EML6: variants seen among roughly 807,000 people sequenced by gnomAD.
EML6 encodes EMAP like 6, also known as echinoderm microtubule-associated protein-like 6.
EML6 carries 154 observed loss-of-function variants against 240.1 expected under a neutral mutation model. That is an observed-to-expected ratio of 0.64 (90% confidence interval 0.56 to 0.73). EML6 has a LOEUF of 0.73. Ranked by LOEUF, EML6 falls within the 30% of genes least tolerant of loss-of-function variation. EML6 has a pLI of 0.00. For synonymous variants in EML6, 1,148 were observed against 899.0 expected (o/e 1.28, Z -4.95); for missense variants, 2,964 against 2,474.6 (o/e 1.20, Z -4.20).
chr2:54,875,965 C>T (rs912091892), intron 16 of EML6, among the ~76,000 whole-genome samples: 2 of 152,110 alleles, frequency 1.3e-5, no homozygotes, highest in East Asian at 3.9e-4. Flanking sequence ...CAGTAGAAAA[C>T]CTACGCATTT....
chr2:54,818,540 G>T (rs954563440), intron 4 of EML6, among the ~76,000 whole-genome samples: 15 of 152,214 alleles, frequency 9.9e-5, no homozygotes, highest in African/African-American at 3.4e-4. Flanking sequence ...CCCAGTTGCA[G>T]AGCAGAGCTC....
intron 2 of EML6, among the ~76,000 whole-genome samples, chr2:54,763,024 C>A (rs1668044121): frequency 6.6e-6 from 1 of 152,160 alleles, no homozygotes; most frequent in African/African-American, 2.4e-5. Flanking sequence ...CACAGCTTCC[C>A]ACCCTACATT....
intron 16 of EML6, among the ~76,000 whole-genome samples, chr2:54,871,998 A>G (rs1671283074): frequency 6.6e-6 from 1 of 152,216 alleles, no homozygotes; most frequent in Admixed American, 6.5e-5. Flanking sequence ...TCTCCAAATA[A>G]GTGGGAGCAC....
At chr2:54,940,765 G>A (rs775109327) in intron 28 of EML6, among the ~76,000 whole-genome samples, 4 of 152,206 alleles carry the variant, frequency 2.6e-5, no homozygotes, top group African/African-American at 4.8e-5. Flanking sequence ...GGGTGCCCCA[G>A]TTGGCCCTGG....
chr2:54,949,096 C>T (rs1421995561), intron 29 of EML6, 136 bp downstream of exon 29: 1 of 684,174 alleles, frequency 1.5e-6, no homozygotes, highest in African/African-American at 1.8e-5. Context: ...TCCCCTCTCC[C>T]TCCTACGTAG....
intron 14 of EML6, chr2:54,868,364 TGATG>T (rs890081747): frequency 1.3e-5 from 2 of 152,204 alleles, no homozygotes; most frequent in African/African-American, 2.4e-5. Context: ...TATTTTAATA[TGATG>T]GATTGGTTTT....
chr2:54,942,055 T>G (rs538978237), intron 28 of EML6, among the ~76,000 whole-genome samples: 21 of 152,360 alleles, frequency 1.4e-4, no homozygotes, highest in African/African-American at 4.1e-4. Flanking sequence ...TGATGCTATT[T>G]TCATAAATGA....
intron 16 of EML6, among the ~76,000 whole-genome samples, chr2:54,875,998 A>G (rs1009122558): frequency 1.3e-5 from 2 of 152,214 alleles, no homozygotes; most frequent in Non-Finnish European, 2.9e-5. Flanking sequence ...GAATAGAGAG[A>G]CCAACTCATA....
intron 2 of EML6, among the ~76,000 whole-genome samples, chr2:54,734,916 C>G (rs1683327435): frequency 1.3e-5 from 2 of 152,216 alleles, no homozygotes; most frequent in African/African-American, 4.8e-5. Context: ...ACAAGATGTT[C>G]TCCACGGTCT....
chr2:54,911,129 A>C, intron 25 of EML6, 87 bp downstream of exon 25: 2 of 664,034 alleles, frequency 3.0e-6, no homozygotes, highest in East Asian at 2.8e-5. Context: ...TTAACCACTA[A>C]TATGGGTTAT....
intron 7 of EML6, among the ~76,000 whole-genome samples, chr2:54,830,804 T>C (rs1208679261): frequency 2.6e-5 from 4 of 152,196 alleles, no homozygotes; most frequent in Non-Finnish European, 5.9e-5. Flanking sequence ...TATGTATCTG[T>C]GAAATACAAA....
rs1669617484 is a variant in EML6, at chr2:54,844,043, T to C, written c.848-4T>C. 6.4e-7 allele frequency: 1 copy of C among 1,550,568 alleles called. No homozygotes were observed. Among genetic ancestry groups the C allele is most frequent in the East Asian group, 2.4e-5 (1 of 40,906 alleles). On this transcript the variant is annotated splice_region_variant and splice_polypyrimidine_tract_variant and intron_variant, in intron 7 of 41. Coordinates refer to ENST00000356458, the MANE Select transcript of EML6 (RefSeq NM_001039753.4). ...TTTGCTTTTGTTTTACTTATTTTTG[T>C]CAGGCCTCTCTATCCGGAGCGTGTG...
chr2:54,827,474 A>G (rs780898292), intron 5 of EML6, 92 bp from the exon 6 acceptor site: 29 of 1,060,410 alleles, frequency 2.7e-5, no homozygotes, highest in Non-Finnish European at 3.7e-5. Flanking sequence ...GATAGAGCAC[A>G]TTATGTGAAA....
At chr2:54,834,243 C>T (rs924890109) in intron 7 of EML6, among the ~76,000 whole-genome samples, 7 of 152,166 alleles carry the variant, frequency 4.6e-5, no homozygotes, top group Non-Finnish European at 1.0e-4. Context: ...AAGTCACTCA[C>T]TCATACCTCA....
intron 30 of EML6, 59 bp downstream of exon 30, chr2:54,950,838 CA>C: frequency 1.3e-6 from 2 of 1,505,962 alleles, no homozygotes; most frequent in Non-Finnish European, 1.8e-6. Flanking sequence ...ATGCTTTCCC[CA>C]CTCTTTAGAT....
intron 9 of EML6, among the ~76,000 whole-genome samples, 173 bp from the exon 10 acceptor site, chr2:54,849,789 A>G (rs1210834380): frequency 4.6e-5 from 7 of 152,220 alleles, no homozygotes; most frequent in African/African-American, 1.4e-4. Context: ...CGCCCGGCCA[A>G]TGCCATAAAT....
chr2:54,899,853 A>C (rs1302226999), intron 22 of EML6, 71 bp downstream of exon 22: 11 of 1,435,360 alleles, frequency 7.7e-6, no homozygotes, highest in Non-Finnish European at 1.0e-5. Context: ...TTATTCACTC[A>C]GTTAATATTT....
chr2:54,759,113 TC>T (rs955655255), intron 2 of EML6, among the ~76,000 whole-genome samples: 2 of 151,596 alleles, frequency 1.3e-5, no homozygotes, highest in African/African-American at 4.9e-5. Flanking sequence ...TGTTTTCAAT[TC>T]CATTTTCCAT....
At chr2:54,930,811 C>T (rs1198119604) in intron 28 of EML6, among the ~76,000 whole-genome samples, 2 of 152,002 alleles carry the variant, frequency 1.3e-5, no homozygotes, top group African/African-American at 4.8e-5. Context: ...GTAGGGTCAG[C>T]TAGTAAAGAG....
Sources: gnomAD v4.1 joint callset for allele counts (sites outside exome capture counted in the v4.1 genomes callset) on GRCh38, gnomAD v4.1.1 for gene constraint, MANE v1.5 for transcripts, NCBI Gene and HGNC (gene_info 2026-07-23, HGNC 2026-07-21) for gene names.